Variants in DGKB observed in about 807,000 individuals in gnomAD.
The protein encoded by DGKB is 90 kDa diacylglycerol kinase.
A neutral mutation model predicts 114.3 loss-of-function variants in DGKB; 67 were observed. The observed-to-expected ratio is 0.59, with a 90% CI of 0.48 to 0.72. The LOEUF is 0.72. Ranked by LOEUF, DGKB falls within the 30% of genes least tolerant of loss-of-function variation. DGKB has a pLI of 0.00. For missense variants in DGKB, 907 were observed against 975.2 expected (o/e 0.93, Z 0.93); for synonymous variants, 398 against 323.1 (o/e 1.23, Z -2.49).
intron 23 of DGKB, among the ~76,000 whole-genome samples, chr7:14,316,548 T>C (rs1806568358): frequency 7.8e-6 from 1 of 128,112 alleles, no homozygotes; most frequent in South Asian, 3.1e-4. Flanking sequence ...AATGGATAAA[T>C]TCCTTGACAC....
At chr7:14,793,697 A>T (rs375533037) in intron 2 of DGKB, among the ~76,000 whole-genome samples, 3 of 152,092 alleles carry the variant, frequency 2.0e-5, no homozygotes, top group Non-Finnish European at 4.4e-5. Context: ...GAAATTAACT[A>T]TCTCTATGAG....
intron 5 of DGKB, among the ~76,000 whole-genome samples, chr7:14,733,299 C>T (rs1031565699): frequency 4.6e-5 from 7 of 152,154 alleles, no homozygotes; most frequent in Admixed American, 2.0e-4. Flanking sequence ...AGTCACCATA[C>T]ATCTTAAAGG....
intron 23 of DGKB, among the ~76,000 whole-genome samples, chr7:14,308,653 T>C (rs980335582): frequency 6.6e-6 from 1 of 152,128 alleles, no homozygotes; most frequent in African/African-American, 2.4e-5. Flanking sequence ...AAAACAAGTG[T>C]GAATTTGTCA....
intron 13 of DGKB, among the ~76,000 whole-genome samples, chr7:14,665,559 C>T (rs1252022266): frequency 6.6e-6 from 1 of 152,034 alleles, no homozygotes; most frequent in East Asian, 1.9e-4. Flanking sequence ...AATTATAACA[C>T]AAAATGTGTA....
chr7:14,938,445 G>A (rs1785387394), intron 1 of DGKB, among the ~76,000 whole-genome samples: 1 of 152,128 alleles, frequency 6.6e-6, no homozygotes, highest in Non-Finnish European at 1.5e-5. Flanking sequence ...ACTTTCAGTT[G>A]CATTATTTTT....
chr7:14,909,068 G>C (rs1362526557), intron 1 of DGKB, among the ~76,000 whole-genome samples: 1 of 152,082 alleles, frequency 6.6e-6, no homozygotes. Flanking sequence ...AAAATAGAAA[G>C]GCTCATTCTA....
chr7:14,754,854 C>T (rs1369109460), intron 3 of DGKB, among the ~76,000 whole-genome samples: 1 of 152,128 alleles, frequency 6.6e-6, no homozygotes, highest in Non-Finnish European at 1.5e-5. Context: ...AAAGCAATGT[C>T]TTCCCATGCC....
intron 17 of DGKB, among the ~76,000 whole-genome samples, chr7:14,587,561 T>C (rs982187864): frequency 6.6e-6 from 1 of 152,152 alleles, no homozygotes. Context: ...GTGTATAAGA[T>C]GCTAGCAAAC....
At chr7:14,467,832 G>T (rs1780695848) in intron 21 of DGKB, among the ~76,000 whole-genome samples, 1 of 152,036 alleles carries the variant, frequency 6.6e-6, no homozygotes, top group Admixed American at 6.6e-5. Flanking sequence ...GATATAATTA[G>T]TTCCAATTAG....
intron 20 of DGKB, among the ~76,000 whole-genome samples, chr7:14,536,388 T>C (rs1163806964): frequency 6.6e-6 from 1 of 152,154 alleles, no homozygotes; most frequent in Non-Finnish European, 1.5e-5. Flanking sequence ...ATATCCCTAA[T>C]TAACCTGGAT....
intron 21 of DGKB, among the ~76,000 whole-genome samples, chr7:14,461,503 G>A (rs995036888): frequency 1.3e-5 from 2 of 152,052 alleles, no homozygotes; most frequent in African/African-American, 4.8e-5. Flanking sequence ...AGAAAATCTA[G>A]AAGAAACGGA....
intron 25 of DGKB, among the ~76,000 whole-genome samples, chr7:14,173,329 TGTG>T: frequency 6.6e-6 from 1 of 152,320 alleles, no homozygotes; most frequent in Middle Eastern, 3.4e-3. Context: ...ACTTTTTTAT[TGTG>T]GTAAAATATA....
At chr7:14,447,553 G>T (rs894845075) in intron 21 of DGKB, among the ~76,000 whole-genome samples, 2 of 152,024 alleles carry the variant, frequency 1.3e-5, no homozygotes, top group Non-Finnish European at 2.9e-5. Flanking sequence ...TTTTAAGTTA[G>T]ATTATAAGAT....
At chr7:14,443,438 A>G (rs13238684) in intron 21 of DGKB, among the ~76,000 whole-genome samples, 53,207 of 152,014 alleles carry the variant, frequency 0.35, 9,633 homozygotes, top group South Asian at 0.41. Context: ...GTGAAAATTA[A>G]TTAGAAATAA....
intron 1 of DGKB, among the ~76,000 whole-genome samples, chr7:14,956,486 A>C (rs986556849): frequency 2.0e-5 from 3 of 152,024 alleles, no homozygotes; most frequent in Non-Finnish European, 4.4e-5. Flanking sequence ...GGTTTTGCAA[A>C]GTAGTAAGTA....
intron 25 of DGKB, among the ~76,000 whole-genome samples, chr7:14,166,022 C>G (rs1784561305): frequency 6.6e-6 from 1 of 152,202 alleles, no homozygotes; most frequent in South Asian, 2.1e-4. Context: ...AAGGTAGGAA[C>G]AGTCCCGGTT....
chr7:14,179,795 C>T (rs1344895461), intron 23 of DGKB, among the ~76,000 whole-genome samples: 1 of 152,138 alleles, frequency 6.6e-6, no homozygotes, highest in Non-Finnish European at 1.5e-5. Context: ...AGCTGTAGCA[C>T]CGGATTACTC....
At chr7:14,847,785 T>A (rs1226334756) in intron 1 of DGKB, among the ~76,000 whole-genome samples, 3 of 152,218 alleles carry the variant, frequency 2.0e-5, no homozygotes, top group Non-Finnish European at 4.4e-5. Context: ...CAGGTTTATT[T>A]AAACTAACTG....
chr7:14,933,684 T>C (rs36868), intron 1 of DGKB, among the ~76,000 whole-genome samples: 19,407 of 152,216 alleles, frequency 0.13, 1,676 homozygotes, highest in Non-Finnish European at 0.19. Context: ...ACTAAGGTCT[T>C]ATTAATACAT....
Sources: allele counts gnomAD v4.1 joint callset (sites outside exome capture counted in the v4.1 genomes callset), GRCh38; gene constraint gnomAD v4.1.1; transcripts MANE v1.5; gene names NCBI Gene and HGNC (gene_info 2026-07-23, HGNC 2026-07-21).